Variants in FOCAD observed in about 807,000 individuals in gnomAD.
The protein encoded by FOCAD is KIAA1797.
In FOCAD, 198 loss-of-function variants were observed where a neutral mutation model predicts 225.6. That is an observed-to-expected ratio of 0.88 (90% CI 0.78 to 0.99). FOCAD has a LOEUF of 0.99. FOCAD is among the 50% of genes least tolerant of loss of function. FOCAD has a pLI of 0.00. For missense variants in FOCAD, 2,713 were observed against 2,123.6 expected (o/e 1.28, Z -5.46); for synonymous variants, 897 against 755.0 (o/e 1.19, Z -3.08).
intron 15 of FOCAD, among the ~76,000 whole-genome samples, chr9:20,853,791 G>C (rs1827903416): frequency 6.6e-6 from 1 of 151,720 alleles, no homozygotes; most frequent in Non-Finnish European, 1.5e-5. Flanking sequence ...ACATTAAAAG[G>C]CTGTGAAATT....
intron 7 of FOCAD, among the ~76,000 whole-genome samples, chr9:20,765,512 T>C (rs1250662974): frequency 6.6e-6 from 1 of 152,166 alleles, no homozygotes; most frequent in Non-Finnish European, 1.5e-5. Context: ...GAGTGCCAGC[T>C]AGATTCCAGC....
In FOCAD at chr9:20,718,625, C is replaced by G. The variant is rs183120723; in HGVS notation, c.132+757C>G. On this transcript the variant is annotated intron_variant, in intron 3 of 43. Coordinates refer to ENST00000338382, the MANE Select transcript of FOCAD (RefSeq NM_001375567.1). ...CATGTTGAAGTAAGTGTAGGACACA[C>G]TTCACTAATTGGCATTTTTCTGGTG... Among the ~76,000 whole-genome samples the G allele has an allele frequency of 7.2e-5, 11 of 152,280 alleles. No individual in the cohort carries two copies. In the South Asian group the frequency reaches 1.0e-3, roughly 14 times the overall value.
At chr9:20,778,908 T>C in intron 9 of FOCAD, 140 bp downstream of exon 9, 1 of 506,384 alleles carries the variant, frequency 2.0e-6, no homozygotes, top group Non-Finnish European at 3.5e-6. Context: ...TAGAATTTTT[T>C]TTCTTGTCTA....
intron 22 of FOCAD, among the ~76,000 whole-genome samples, chr9:20,910,746 T>C (rs987153645): frequency 6.6e-6 from 1 of 152,044 alleles, no homozygotes; most frequent in Admixed American, 6.6e-5. Context: ...ATCTCTCTAT[T>C]ACCAGTAAGT....
chr9:20,668,939 A>G (rs1413999794), intron 2 of FOCAD, among the ~76,000 whole-genome samples: 2 of 151,752 alleles, frequency 1.3e-5, no homozygotes, highest in Non-Finnish European at 2.9e-5. Flanking sequence ...GTTCACGGTT[A>G]GCCTCCCCAC....
intron 33 of FOCAD, among the ~76,000 whole-genome samples, chr9:20,949,983 G>T (rs1222911749): frequency 6.6e-6 from 1 of 152,096 alleles, no homozygotes; most frequent in African/African-American, 2.4e-5. Context: ...AATAGAAGGT[G>T]ATCAAAGGGC....
chr9:20,724,079 T>G (rs2131568586), intron 4 of FOCAD, among the ~76,000 whole-genome samples: 1 of 152,278 alleles, frequency 6.6e-6, no homozygotes, highest in South Asian at 2.1e-4. Context: ...AGTAAATCAT[T>G]CATAAGGGAT....
intron 11 of FOCAD, among the ~76,000 whole-genome samples, chr9:20,802,485 C>G (rs925353186): frequency 1.8e-4 from 27 of 152,204 alleles, no homozygotes; most frequent in African/African-American, 6.3e-4. Context: ...AGGAATTTCT[C>G]AAGGGAAACC....
intron 5 of FOCAD, among the ~76,000 whole-genome samples, chr9:20,742,403 G>C (rs1396153718): frequency 1.3e-5 from 2 of 151,848 alleles, no homozygotes; most frequent in African/African-American, 4.9e-5. Context: ...TCTAGTGTGG[G>C]CTCAAGATTC....
At chr9:20,976,634 A>G in intron 36 of FOCAD, 86 bp downstream of exon 36, 2 of 1,380,796 alleles carry the variant, frequency 1.4e-6, no homozygotes, top group Non-Finnish European at 2.0e-6. Flanking sequence ...CACAATGTGT[A>G]GTGACTGGAT....
At chr9:20,947,977 C>G (rs1379166828) in intron 30 of FOCAD, among the ~76,000 whole-genome samples, 1 of 152,000 alleles carries the variant, frequency 6.6e-6, no homozygotes, top group Non-Finnish European at 1.5e-5. Flanking sequence ...ACCCTAACCT[C>G]TTCAAATTGT....
At chr9:20,961,375 C>G (rs1327195848) in intron 35 of FOCAD, among the ~76,000 whole-genome samples, 1 of 152,120 alleles carries the variant, frequency 6.6e-6, no homozygotes, top group African/African-American at 2.4e-5. Context: ...GACATGACCC[C>G]CTCATTCTTT....
rs755507220 is a variant in FOCAD, at chr9:20,820,378, C to A, written c.1615C>A (p.Leu539Ile). Reference protein sequence around the residue: ...IIQLLGTTPRLRAVTLRLLTS... With the variant: ...IIQLLGTTPRIRAVTLRLLTS... ...ACAACTACTTGGAACCACACCACGA[C>A]TAAGAGCTGTCACTTTGCGCTTGCT... is the stretch of plus-strand genomic sequence containing the variant. The change falls in exon 13 of 44, where the codon CTA becomes ATA. Residue 539 changes from leucine to isoleucine, a missense_variant. By Grantham distance (5) the Leu-to-Ile change is conservative. Transcript: ENST00000338382. 6.2e-7 allele frequency: 1 copy of A among 1,612,954 alleles called. No individual in the cohort carries two copies. The highest frequency in any genetic ancestry group is 8.5e-7 in the Non-Finnish European group (1 of 1,179,348).
intron 15 of FOCAD, among the ~76,000 whole-genome samples, chr9:20,840,537 A>G (rs974325553): frequency 2.1e-5 from 3 of 145,744 alleles, no homozygotes; most frequent in Admixed American, 6.8e-5. Flanking sequence ...AAGTGGAATT[A>G]CTTTGTTTTT....
chr9:20,750,223 A>T (rs1292324975), intron 5 of FOCAD, among the ~76,000 whole-genome samples: 1 of 152,132 alleles, frequency 6.6e-6, no homozygotes, highest in Non-Finnish European at 1.5e-5. Context: ...TAAAAAGGTG[A>T]TTTGGGGAAA....
rs1350437757 is a variant in FOCAD at position 20,948,346 on chromosome 9, T to C, written c.3751T>C (p.Leu1251=). 1.2e-6 allele frequency: 2 copies of C among 1,612,704 alleles called. No individual in the cohort carries two copies. Among genetic ancestry groups the C allele is most frequent in the East Asian group, 2.2e-5 (1 of 44,806 alleles). ...SVCGHGKAED[L]GSKLLPAWIR... is the part of the protein sequence containing the mutation. ...GTGTGGACATGGAAAAGCTGAAGACTTGGGCAGCAAACTACTCCCTGCCTG... is the reference window on the plus strand; with the variant it reads ...GTGTGGACATGGAAAAGCTGAAGACCTGGGCAGCAAACTACTCCCTGCCTG... Residue 1251 remains leucine (L), a synonymous_variant, in exon 31 of 44, where the codon TTG becomes CTG. Transcript: ENST00000338382.
chr9:20,851,340 C>G (rs1317251419), intron 15 of FOCAD, among the ~76,000 whole-genome samples: 1 of 151,414 alleles, frequency 6.6e-6, no homozygotes, highest in Non-Finnish European at 1.5e-5. Context: ...GTTTCTAAAA[C>G]CAGATATCTG....
intron 11 of FOCAD, among the ~76,000 whole-genome samples, chr9:20,818,919 T>A (rs1331525818): frequency 6.6e-6 from 1 of 152,132 alleles, no homozygotes; most frequent in Non-Finnish European, 1.5e-5. Context: ...AGCTGGAATT[T>A]TGATAAAGAT....
At chr9:20,918,692 C>A (rs1360280762) in intron 24 of FOCAD, among the ~76,000 whole-genome samples, 1 of 151,422 alleles carries the variant, frequency 6.6e-6, no homozygotes, top group Admixed American at 6.6e-5. Context: ...CCACTGCACT[C>A]CAGCCTGGGT....
Sources: allele counts gnomAD v4.1 joint callset (sites outside exome capture counted in the v4.1 genomes callset), GRCh38; gene constraint gnomAD v4.1.1; transcripts MANE v1.5; gene names NCBI Gene and HGNC (gene_info 2026-07-23, HGNC 2026-07-21).